The following USH2A variants were observed in gnomAD, a reference collection of about 807,000 sequenced individuals.
The protein encoded by USH2A is Usher syndrome 2A (autosomal recessive, mild).
Under a neutral mutation model 538.9 loss-of-function variants are expected in USH2A, and 443 were observed. That is an observed-to-expected ratio of 0.82 (90% CI 0.76 to 0.89). The LOEUF (loss-of-function observed/expected upper bound fraction) is 0.89, where lower values mean the gene tolerates loss of function less well. USH2A is among the 40% of genes least tolerant of loss of function. The pLI, the probability that USH2A is intolerant of heterozygous loss-of-function variation, is 0.00. For missense variants in USH2A, 6,633 were observed against 6,324.8 expected, an observed-to-expected ratio of 1.05 and a Z score of -1.65; for synonymous variants, 2,413 against 2,273.5, an observed-to-expected ratio of 1.06 and a Z score of -1.75.
intron 30 of USH2A, among the ~76,000 whole-genome samples, chr1:216,054,415 T>C (rs2030902753): frequency 6.6e-6 from 1 of 152,108 alleles, no homozygotes; most frequent in Admixed American, 6.5e-5. Flanking sequence ...ACACCAGCTC[T>C]GCAAGCTTTT....
At chr1:216,086,664 A>G (rs1035538259) in intron 24 of USH2A, 55 bp downstream of exon 24, 1 of 1,312,348 alleles carries the variant, frequency 7.6e-7, no homozygotes, top group African/African-American at 1.5e-5. Context: ...AATAATGTAA[A>G]CAGGTTCTAT....
intron 61 of USH2A, among the ~76,000 whole-genome samples, chr1:215,701,531 G>T (rs1659015490): frequency 1.3e-5 from 2 of 152,188 alleles, no homozygotes; most frequent in Non-Finnish European, 2.9e-5. Context: ...ATTTAGGATA[G>T]TTAGCTCTTC....
chr1:216,176,347 T>C (rs1450143006), intron 20 of USH2A, among the ~76,000 whole-genome samples: 1 of 152,080 alleles, frequency 6.6e-6, no homozygotes, highest in African/African-American at 2.4e-5. Context: ...GCAATCTTCC[T>C]GTCTCAGCCT....
chr1:215,895,985 G>A (rs1380684910), intron 40 of USH2A, among the ~76,000 whole-genome samples: 1 of 152,102 alleles, frequency 6.6e-6, no homozygotes, highest in South Asian at 2.1e-4. Context: ...CACAGAAAAG[G>A]TACAGTAAAA....
chr1:215,975,862 T>C (rs1002499189), intron 35 of USH2A, among the ~76,000 whole-genome samples: 6 of 152,304 alleles, frequency 3.9e-5, no homozygotes, highest in Admixed American at 3.9e-4. Context: ...AAAAATGATA[T>C]TGGTAGTTTG....
At chr1:215,994,484 C>T (rs117664971) in intron 34 of USH2A, among the ~76,000 whole-genome samples, 1 of 152,198 alleles carries the variant, frequency 6.6e-6, no homozygotes, top group East Asian at 1.9e-4. Flanking sequence ...TTATGGTCAA[C>T]AAACATGGAA....
chr1:215,899,045 A>G (rs1665423661), intron 40 of USH2A, among the ~76,000 whole-genome samples: 1 of 152,204 alleles, frequency 6.6e-6, no homozygotes, highest in South Asian at 2.1e-4. Context: ...TTTTTTTTGT[A>G]AAAATAAAGT....
In USH2A at chr1:215,888,411, TAGTC is replaced by T. The variant is rs771132155; in HGVS notation, c.8223+11_8223+14del. ...TCCTAAGTCTGCAAAGGAGAGAGAA[TAGTC>T]AGTATCTTACCTGGACTGCATCGGG... On this transcript the variant is annotated intron_variant, in intron 41 of 71. Transcript: ENST00000307340. The T allele has an allele frequency of 3.1e-6, 5 of 1,612,108 alleles. No individual in the cohort carries two copies. In the African/African-American group the frequency reaches 4.0e-5, roughly 13 times the overall value.
chr1:216,224,743 T>C (rs994016330), intron 14 of USH2A, among the ~76,000 whole-genome samples: 1 of 152,126 alleles, frequency 6.6e-6, no homozygotes, highest in African/African-American at 2.4e-5. Flanking sequence ...AACCTTGCTA[T>C]ATCCAACAAA....
chr1:216,412,919 C>T (rs573474265), intron 3 of USH2A, among the ~76,000 whole-genome samples: 1 of 151,942 alleles, frequency 6.6e-6, no homozygotes, highest in Non-Finnish European at 1.5e-5. Context: ...ATTATTAACA[C>T]TATATTAAAC....
At chr1:215,711,694 T>G (rs941260368) in intron 61 of USH2A, among the ~76,000 whole-genome samples, 5 of 152,228 alleles carry the variant, frequency 3.3e-5, no homozygotes, top group Non-Finnish European at 7.3e-5. Context: ...CTGCCTGTTT[T>G]GTAATGAATA....
At chr1:215,661,923 C>T (rs1571938931) in intron 64 of USH2A, among the ~76,000 whole-genome samples, 1 of 152,174 alleles carries the variant, frequency 6.6e-6, no homozygotes, top group Non-Finnish European at 1.5e-5. Flanking sequence ...TCAGATCCTG[C>T]AAACATCAAC....
At chr1:216,332,079 G>A (rs2037876289) in intron 4 of USH2A, among the ~76,000 whole-genome samples, 1 of 152,096 alleles carries the variant, frequency 6.6e-6, no homozygotes, top group Non-Finnish European at 1.5e-5. Context: ...TGGAAGCCCT[G>A]AAAATGAACA....
intron 6 of USH2A, 108 bp downstream of exon 6, chr1:216,325,197 T>A (rs2037704778): frequency 8.0e-7 from 1 of 1,242,542 alleles, no homozygotes; most frequent in African/African-American, 1.5e-5. Flanking sequence ...ATTTCTGATC[T>A]CCAGAACTGT....
chr1:216,367,169 A>G (rs1049795035), intron 3 of USH2A, among the ~76,000 whole-genome samples: 2 of 152,198 alleles, frequency 1.3e-5, no homozygotes, highest in Non-Finnish European at 2.9e-5. Context: ...CAGCTACACT[A>G]AAGATACTAT....
In USH2A at chr1:215,650,815, T is replaced by C; in HGVS notation, c.14134-14A>G. The C allele has an allele frequency of 6.8e-7, 1 of 1,472,138 alleles. No homozygotes were observed. The highest frequency in any genetic ancestry group is 9.0e-7 in the Non-Finnish European group (1 of 1,111,806). 91.2% of individuals were successfully genotyped at this position (1,472,138 alleles called of 1,614,324 possible). ...CACTGCCCAGACCTCCAAAGAGAAATCAACAAGACTGTCAAAAGCAAGATA... is the reference window on the plus strand; with the variant it reads ...CACTGCCCAGACCTCCAAAGAGAAACCAACAAGACTGTCAAAAGCAAGATA... On this transcript the variant is annotated splice_polypyrimidine_tract_variant and intron_variant, in intron 64 of 71. Coordinates refer to ENST00000307340, the MANE Select transcript of USH2A (RefSeq NM_206933.4).
At chr1:216,339,143 C>CT (rs995805177) in intron 4 of USH2A, among the ~76,000 whole-genome samples, 1 of 151,260 alleles carries the variant, frequency 6.6e-6, no homozygotes, top group African/African-American at 2.4e-5. Context: ...ATAATCCATA[C>CT]TTTTTTTTAT....
At chr1:216,373,138 T>C (rs1043740040) in intron 3 of USH2A, among the ~76,000 whole-genome samples, 4 of 152,196 alleles carry the variant, frequency 2.6e-5, no homozygotes, top group African/African-American at 9.6e-5. Context: ...CACATTATGA[T>C]ATGCTAAGTG....
At chr1:215,638,185 C>A (rs1342104894) in intron 69 of USH2A, among the ~76,000 whole-genome samples, 1 of 152,194 alleles carries the variant, frequency 6.6e-6, no homozygotes, top group African/African-American at 2.4e-5. Flanking sequence ...CTTCTGATCT[C>A]TCCTCTAACT....
Sources: gnomAD v4.1 joint callset for allele counts (sites outside exome capture counted in the v4.1 genomes callset) on GRCh38, gnomAD v4.1.1 for gene constraint, MANE v1.5 for transcripts, NCBI Gene and HGNC (gene_info 2026-07-23, HGNC 2026-07-21) for gene names.